The following SLC9B1 variants were observed in gnomAD, a reference collection of about 807,000 sequenced individuals.
SLC9B1 encodes sodium/hydrogen exchanger 9B1.
Under a neutral mutation model 51.7 loss-of-function variants are expected in SLC9B1, and 32 were observed. The observed-to-expected ratio is 0.62, with a 90% CI of 0.47 to 0.83. The LOEUF (loss-of-function observed/expected upper bound fraction) is 0.83. Among genes scored for constraint, SLC9B1 ranks in the 40% least tolerant of loss-of-function variants. SLC9B1 has a pLI of 0.00. For synonymous variants in SLC9B1, 145 were observed against 212.7 expected, an observed-to-expected ratio of 0.68 and a Z score of 2.77; for missense variants, 406 against 613.2, an observed-to-expected ratio of 0.66 and a Z score of 3.57.
Position 102,911,456 on chromosome 4 carries a change from A to C in SLC9B1, c.911T>G (p.Val304Gly). 1.3e-6 allele frequency: 2 copies of C among 1,596,590 alleles called. No homozygotes were observed. The highest frequency in any genetic ancestry group is 1.7e-6 in the Non-Finnish European group (2 of 1,179,098). Residue 304 changes from valine (V) to glycine (G), a missense_variant, in exon 8 of 12, where the codon GTT (valine) becomes GGT (glycine). Physicochemically the swap from Val to Gly is moderately radical, Grantham distance 109. Around this residue, in one of 6 missense-constraint regions of SLC9B1, gnomAD observed 250 missense variants for 394.1 expected, o/e 0.63. Transcript: ENST00000296422. Reference protein sequence around the residue: ...LLAGIVLGFFVRYFPSEDQKK... With the variant: ...LLAGIVLGFFGRYFPSEDQKK... ...CTGGTCTTCACTTGGAAAATATCGA[A>C]CAAAAAATCCCAAAACAATTCCTGC...
At chr4:102,899,454 C>G (rs901746164), downstream of SLC9B1, among the ~76,000 whole-genome samples, 2 of 151,350 alleles carry the variant, frequency 1.3e-5, no homozygotes, top group Non-Finnish European at 2.9e-5. Flanking sequence ...TGCTCTGTCT[C>G]CCAGGCTGGA....
chr4:102,973,005 G>C (rs1738844673), intron 3 of SLC9B1, among the ~76,000 whole-genome samples: 1 of 152,006 alleles, frequency 6.6e-6, no homozygotes, highest in Admixed American at 6.6e-5. Flanking sequence ...ACAAATAGAG[G>C]GGAAAAACCT....
At chr4:102,952,855 A>G (rs1737620054) in intron 3 of SLC9B1, among the ~76,000 whole-genome samples, 1 of 42,204 alleles carries the variant, frequency 2.4e-5, no homozygotes, top group Non-Finnish European at 4.1e-5. Flanking sequence ...AGTTCATTGT[A>G]GATTCTGGAT....
intron 3 of SLC9B1, among the ~76,000 whole-genome samples, chr4:102,950,625 T>C (rs1357136453): frequency 3.9e-5 from 6 of 152,180 alleles, no homozygotes; most frequent in African/African-American, 1.2e-4. Flanking sequence ...TAGAACAAAG[T>C]ATCTCTTTCC....
chr4:102,908,791 GC>G (rs1423056515), intron 9 of SLC9B1, among the ~76,000 whole-genome samples: 1 of 152,306 alleles, frequency 6.6e-6, no homozygotes, highest in African/African-American at 2.4e-5. Flanking sequence ...TTGAAGATAA[GC>G]AAAAATTATA....
intron 6 of SLC9B1, among the ~76,000 whole-genome samples, chr4:102,942,600 G>T (rs1343497173): frequency 6.6e-6 from 1 of 152,180 alleles, no homozygotes; most frequent in Non-Finnish European, 1.5e-5. Context: ...TCAACAAATG[G>T]TGCTGGGATA....
chr4:102,905,798 T>TA, intron 10 of SLC9B1, 148 bp from the exon 11 acceptor site: 2 of 724,408 alleles, frequency 2.8e-6, no homozygotes, highest in Non-Finnish European at 4.5e-6. Context: ...ACAATGATTA[T>TA]AAAAAATGAA....
intron 1 of SLC9B1, among the ~76,000 whole-genome samples, chr4:103,003,569 T>G (rs1195305895): frequency 1.3e-5 from 2 of 152,174 alleles, no homozygotes; most frequent in African/African-American, 4.8e-5. Context: ...CTACTTCCAC[T>G]GATGCCCCTC....
At chr4:102,921,787 A>G (rs1174081724) in intron 7 of SLC9B1, among the ~76,000 whole-genome samples, 3 of 152,180 alleles carry the variant, frequency 2.0e-5, no homozygotes, top group Non-Finnish European at 4.4e-5. Context: ...CAGACTTTAA[A>G]CCAACAAAGA....
chr4:103,011,151 A>T (rs1741068115), intron 1 of SLC9B1, among the ~76,000 whole-genome samples: 1 of 152,210 alleles, frequency 6.6e-6, no homozygotes, highest in Admixed American at 6.5e-5. Context: ...AGACAGAGGA[A>T]AGATAGATAT....
intron 1 of SLC9B1, among the ~76,000 whole-genome samples, chr4:103,010,750 C>A (rs1278072028): frequency 1.3e-5 from 2 of 152,288 alleles, no homozygotes; most frequent in African/African-American, 4.8e-5. Context: ...GCTCCCTCCA[C>A]TTATTTTATA....
intron 3 of SLC9B1, chr4:102,962,751 C>T: frequency 2.1e-6 from 1 of 473,122 alleles, no homozygotes; most frequent in Non-Finnish European, 4.3e-6. Context: ...CTGGAGACCA[C>T]AAAAGCCATT....
At chr4:102,996,342 C>CT (rs1740216452) in intron 1 of SLC9B1, among the ~76,000 whole-genome samples, 1 of 152,088 alleles carries the variant, frequency 6.6e-6, no homozygotes, top group Admixed American at 6.6e-5. Context: ...CTGTGTCTTG[C>CT]TTTTTTACGC....
At chr4:102,933,047 C>T (rs34203444) in intron 6 of SLC9B1, among the ~76,000 whole-genome samples, 14 of 152,184 alleles carry the variant, frequency 9.2e-5, no homozygotes, top group African/African-American at 2.7e-4. Context: ...TCCAGAATTT[C>T]GCCTCATCTC....
exon 12 of SLC9B1, chr4:102,885,305 C>T (rs1161938174): frequency 6.2e-7 from 1 of 1,613,884 alleles, no homozygotes; most frequent in Non-Finnish European, 8.5e-7. Context: ...GAAGAAGAAA[C>T]AACAGAAGGA....
chr4:102,909,149 G>A (rs1735214165), intron 9 of SLC9B1, among the ~76,000 whole-genome samples: 1 of 152,114 alleles, frequency 6.6e-6, no homozygotes, highest in East Asian at 1.9e-4. Flanking sequence ...TAATTTAGCA[G>A]TGTCCATCAA....
chr4:103,018,830 A>G (rs1240558827), intron 1 of SLC9B1, among the ~76,000 whole-genome samples: 1 of 152,314 alleles, frequency 6.6e-6, no homozygotes, highest in South Asian at 2.1e-4. Flanking sequence ...TTTGTGGCCT[A>G]TTAGGAACAG....
At chr4:103,016,805 T>G (rs551573244) in intron 1 of SLC9B1, 1 of 152,398 alleles carries the variant, frequency 6.6e-6, no homozygotes, top group East Asian at 1.9e-4. Context: ...TCCTACTTCA[T>G]TGGCTATTCT....
chr4:102,965,693 A>C (rs1187583187), intron 3 of SLC9B1, among the ~76,000 whole-genome samples: 1 of 152,154 alleles, frequency 6.6e-6, no homozygotes, highest in African/African-American at 2.4e-5. Context: ...CCAAAGTCTT[A>C]ATGTATTCCA....
Sources: gnomAD v4.1 joint callset for allele counts (sites outside exome capture counted in the v4.1 genomes callset) on GRCh38, gnomAD v4.1.1 for gene constraint, gnomAD v4.1.1 regional missense constraint, MANE v1.5 for transcripts, NCBI Gene and HGNC (gene_info 2026-07-23, HGNC 2026-07-21) for gene names.